Variants in PRDM11 observed in about 807,000 individuals in gnomAD.
PRDM11 encodes PR/SET domain 11.
A neutral mutation model predicts 97.8 loss-of-function variants in PRDM11; 20 were observed. The observed-to-expected ratio is 0.20, with a 90% CI of 0.14 to 0.30. The LOEUF (loss-of-function observed/expected upper bound fraction) is 0.30, where lower values mean the gene tolerates loss of function less well. Among genes scored for constraint, PRDM11 ranks in the 10% least tolerant of loss-of-function variants. The pLI, the probability that PRDM11 is intolerant of heterozygous loss-of-function variation, is 1.00. For missense variants in PRDM11, 1,139 were observed against 1,555.2 expected, an observed-to-expected ratio of 0.73 and a Z score of 4.50; for synonymous variants, 599 against 637.7, an observed-to-expected ratio of 0.94 and a Z score of 0.91.
intron 4 of PRDM11, among the ~76,000 whole-genome samples, chr11:45,187,799 C>CGT (rs61613469): frequency 0.15 from 21,732 of 147,044 alleles, 1,834 homozygotes; most frequent in African/African-American, 0.25. Context: ...AAGAAAAGTT[C>CGT]GTGTGTGTGT....
chr11:45,210,623 G>A (rs181122653), intron 5 of PRDM11, among the ~76,000 whole-genome samples: 1 of 152,308 alleles, frequency 6.6e-6, no homozygotes, highest in East Asian at 1.9e-4. Flanking sequence ...CCCTTCCCGG[G>A]CCCCCTGCCA....
At chr11:45,221,020 A>G (rs1854106107) in intron 6 of PRDM11, among the ~76,000 whole-genome samples, 1 of 152,180 alleles carries the variant, frequency 6.6e-6, no homozygotes, top group African/African-American at 2.4e-5. Flanking sequence ...TTCCTGACCA[A>G]CTTACTAATT....
intron 1 of PRDM11, among the ~76,000 whole-genome samples, chr11:45,136,348 G>A (rs7482212): frequency 0.32 from 49,344 of 152,042 alleles, 8,892 homozygotes; most frequent in African/African-American, 0.46. Context: ...CCAAGGTGAA[G>A]TGAAAAGGTG....
intron 4 of PRDM11, among the ~76,000 whole-genome samples, chr11:45,184,742 G>A (rs1852642455): frequency 6.6e-6 from 1 of 152,150 alleles, no homozygotes; most frequent in Admixed American, 6.5e-5. Flanking sequence ...ATATCCAAGT[G>A]GTGATGTCAA....
chr11:45,167,354 A>G (rs1426140060), intron 1 of PRDM11, among the ~76,000 whole-genome samples: 1 of 152,168 alleles, frequency 6.6e-6, no homozygotes, highest in Admixed American at 6.5e-5. Context: ...CCTAGGTCAC[A>G]TAGTGTAGGT....
At chr11:45,182,563 A>G (rs1590413637) in intron 3 of PRDM11, among the ~76,000 whole-genome samples, 1 of 152,198 alleles carries the variant, frequency 6.6e-6, no homozygotes, top group African/African-American at 2.4e-5. Context: ...GTGAGGGTTA[A>G]GTATCCCACG....
At chr11:45,213,343 A>AG (rs1161323056) in intron 5 of PRDM11, 5 of 454,520 alleles carry the variant, frequency 1.1e-5, no homozygotes, top group Admixed American at 7.1e-5. Flanking sequence ...CCTTGCAGGG[A>AG]GGGGGGCGCA....
chr11:45,190,506 G>A (rs976083919), intron 4 of PRDM11, among the ~76,000 whole-genome samples: 6 of 144,888 alleles, frequency 4.1e-5, no homozygotes, highest in Non-Finnish European at 7.5e-5. Flanking sequence ...GAGACATCAT[G>A]ACACTTTACC....
chr11:45,110,573 A>C (rs1852154786), intron 1 of PRDM11, among the ~76,000 whole-genome samples: 2 of 152,198 alleles, frequency 1.3e-5, no homozygotes, highest in African/African-American at 4.8e-5. Flanking sequence ...CCTGGGGGCT[A>C]AAGTGCCCAG....
intron 4 of PRDM11, among the ~76,000 whole-genome samples, chr11:45,189,534 A>C (rs1466601133): frequency 6.6e-6 from 1 of 152,196 alleles, no homozygotes; most frequent in Non-Finnish European, 1.5e-5. Flanking sequence ...GATACTGGAT[A>C]GGTTTCCCAG....
intron 1 of PRDM11, among the ~76,000 whole-genome samples, chr11:45,108,462 C>A (rs1438077996): frequency 6.6e-6 from 1 of 152,206 alleles, no homozygotes; most frequent in Non-Finnish European, 1.5e-5. Context: ...CATGTGCCCA[C>A]TGCTCTGTGA....
In PRDM11 at chr11:45,140,978, C is replaced by T. The variant is rs141571127; in HGVS notation, c.97-40783C>T. On this transcript the variant is annotated intron_variant, in intron 1 of 6. Transcript: ENST00000530656. ...GGACTTCCAAAATGGAGAGAGTTGC[C>T]CAGAGTCCCAAGTTTGGAAAGAGTA... Among the ~76,000 whole-genome samples the T allele has an allele frequency of 6.1e-3, 924 of 152,156 alleles. 10 individuals carry two copies. The highest frequency in any genetic ancestry group is 0.021 in the African/African-American group (877 of 41,476).
intron 5 of PRDM11, chr11:45,212,612 C>T (rs1476992751): frequency 8.8e-6 from 4 of 456,384 alleles, no homozygotes; most frequent in Admixed American, 4.7e-5. Context: ...GACGGTGGGC[C>T]CCAAGCCAGA....
rs1055907322 is a variant in PRDM11, at chr11:45,233,988, C to T, written c.*5829C>T. 6.6e-6 allele frequency: 1 copy of T among 152,304 alleles called. No homozygotes were observed. Among genetic ancestry groups the T allele is most frequent in the Non-Finnish European group, 1.5e-5 (1 of 68,094 alleles). The allele number at this position is 152,304 out of a possible 1,614,324, so 9.4% of individuals were successfully genotyped here. The stretch of plus-strand genomic sequence containing the variant: ...GCAGGTTTAGTTCACATACACTGTT[C>T]GCATTCTGTGACTTGAGGCAGAGGC... On this transcript the variant is annotated 3_prime_UTR_variant, in exon 8 of 8. Coordinates refer to ENST00000683152, the MANE Select transcript of PRDM11 (RefSeq NM_001384648.1).
At chr11:45,097,649 C>A (rs779052805) in intron 1 of PRDM11, among the ~76,000 whole-genome samples, 2 of 152,228 alleles carry the variant, frequency 1.3e-5, no homozygotes, top group African/African-American at 4.8e-5. Flanking sequence ...TCTGGCCAGG[C>A]TTTTCCTGTT....
At chr11:45,124,923 C>T (rs1852528818) in intron 1 of PRDM11, among the ~76,000 whole-genome samples, 1 of 152,164 alleles carries the variant, frequency 6.6e-6, no homozygotes, top group African/African-American at 2.4e-5. Flanking sequence ...GGTACCAGCT[C>T]CTCCTTGTAC....
At chr11:45,160,129 C>T (rs1478002555) in intron 1 of PRDM11, among the ~76,000 whole-genome samples, 1 of 152,190 alleles carries the variant, frequency 6.6e-6, no homozygotes, top group South Asian at 2.1e-4. Flanking sequence ...CCTGCTGGGG[C>T]TCCCGAGGTT....
At position 45,227,971 on chromosome 11, in the gene PRDM11, A is replaced by G. The variant is rs916199971; in HGVS notation, c.3346A>G (p.Thr1116Ala). Residue 1116 changes from threonine (T) to alanine (A), a missense_variant, in exon 8 of 8, where the codon ACA (threonine) becomes GCA (alanine). By Grantham distance (58) the Thr-to-Ala change is moderately conservative. Transcript: ENST00000683152. The surrounding 1 kb of genome is among the most constrained non-coding windows in gnomAD (Gnocchi z 8.0). ...LTLEQLSDLL[T>A]IAVNGPPITN... ...CCTGGAGCAGCTTAGCGACCTGTTG[A>G]CAATCGCTGTAAACGGACCGCCAAT... 4.6e-6 allele frequency: 7 copies of G among 1,533,734 alleles called. No homozygotes were observed. The African/African-American group carries it at 9.6e-5, about 21-fold the overall frequency.
At chr11:45,141,943 T>G (rs998761384), upstream of PRDM11, among the ~76,000 whole-genome samples, 2 of 152,042 alleles carry the variant, frequency 1.3e-5, no homozygotes, top group Non-Finnish European at 2.9e-5. Context: ...ACTCTGCTTC[T>G]CCCCAAGGCT....
Sources: gnomAD v4.1 joint callset for allele counts (sites outside exome capture counted in the v4.1 genomes callset) on GRCh38, gnomAD v4.1.1 for gene constraint, Gnocchi (gnomAD v3.1) non-coding constraint, MANE v1.5 for transcripts, NCBI Gene and HGNC (gene_info 2026-07-23, HGNC 2026-07-21) for gene names.